The following KIAA1671 variants were observed in gnomAD, a reference collection of about 807,000 sequenced individuals.
The protein encoded by KIAA1671 is KIAA1671.
A neutral mutation model predicts 131.2 loss-of-function variants in KIAA1671; 52 were observed. That is an observed-to-expected ratio of 0.40 (90% confidence interval 0.32 to 0.50). The LOEUF is 0.50. Ranked by LOEUF, KIAA1671 falls within the 20% of genes least tolerant of loss-of-function variation. The pLI, the probability that KIAA1671 is intolerant of heterozygous loss-of-function variation, is 0.73. For synonymous variants in KIAA1671, 1,003 were observed against 961.6 expected (o/e 1.04, Z -0.80); for missense variants, 2,360 against 2,364.2 (o/e 1.00, Z 0.04).
chr22:25,055,841 C>A (rs1427547035), intron 6 of KIAA1671: 3 of 144,474 alleles, frequency 2.1e-5, no homozygotes, highest in African/African-American at 7.5e-5. Context: ...GATATAGATA[C>A]AGATACAGAT....
chr22:25,170,262 C>T (rs1446158430), intron 6 of KIAA1671, among the ~76,000 whole-genome samples: 3 of 152,106 alleles, frequency 2.0e-5, no homozygotes, highest in Admixed American at 6.6e-5. Context: ...AAATGGGGAT[C>T]GTAATAAGAT....
chr22:25,075,329 A>G (rs9612853), intron 6 of KIAA1671, among the ~76,000 whole-genome samples: 18,865 of 152,084 alleles, frequency 0.12, 1,213 homozygotes, highest in South Asian at 0.19. Context: ...CAAAGTGTCA[A>G]TTGTGACAAG....
chr22:25,028,726 G>C lies in KIAA1671; in HGVS notation c.727G>C (p.Val243Leu). The C allele has an allele frequency of 6.4e-7, 1 of 1,551,244 alleles. No homozygotes were observed. The highest frequency in any genetic ancestry group is 8.7e-7 in the Non-Finnish European group (1 of 1,147,010). Residue 243 changes from valine to leucine, a missense_variant, in exon 3 of 13, where the codon GTG becomes CTG. By Grantham distance (32) the Val-to-Leu change is conservative. Transcript: ENST00000358431. ...EPRPRLKRRP[V>L]SAIFTESIQP... is the part of the protein sequence containing the mutation. ...CAGGCCTCGCCTGAAGAGAAGGCCCGTGTCTGCCATTTTCACGGAGTCCAT... is the reference window on the plus strand; with the variant it reads ...CAGGCCTCGCCTGAAGAGAAGGCCCCTGTCTGCCATTTTCACGGAGTCCAT...
chr22:25,187,176 G>C (rs2146046143), intron 11 of KIAA1671, among the ~76,000 whole-genome samples: 1 of 152,266 alleles, frequency 6.6e-6, no homozygotes, highest in Non-Finnish European at 1.5e-5. Flanking sequence ...ACCCCTCCAG[G>C]GCCACGGGTC....
At chr22:24,982,441 G>A (rs187288009) in intron 1 of KIAA1671, among the ~76,000 whole-genome samples, 24 of 152,330 alleles carry the variant, frequency 1.6e-4, no homozygotes, top group Non-Finnish European at 2.9e-4. Flanking sequence ...CTTTTCTTCC[G>A]TGAGTCAGTG....
chr22:25,175,185 G>A (rs1430394602), intron 8 of KIAA1671: 1 of 152,190 alleles, frequency 6.6e-6, no homozygotes, highest in Non-Finnish European at 1.5e-5. Flanking sequence ...GGGTCAGGCA[G>A]GTCTTCCTTT....
At chr22:25,013,551 A>G (rs1342554714) in intron 1 of KIAA1671, 3 of 152,222 alleles carry the variant, frequency 2.0e-5, no homozygotes, top group Non-Finnish European at 4.4e-5. Flanking sequence ...TTATTTCTTT[A>G]TATTTCCTGC....
chr22:25,116,757 C>G (rs1426733501), intron 6 of KIAA1671, among the ~76,000 whole-genome samples: 2 of 152,174 alleles, frequency 1.3e-5, no homozygotes, highest in Non-Finnish European at 1.5e-5. Context: ...TACCACAACT[C>G]TGGTGCAGGA....
rs71191010 is a variant in KIAA1671 at position 24,979,170 on chromosome 22, A to ATTTTTTT, written c.-208+26416_-208+26422dup. 3.8e-4 allele frequency among the ~76,000 whole-genome samples: 31 copies of ATTTTTTT among 81,684 alleles called. 1 individual carries two copies. Among genetic ancestry groups the ATTTTTTT allele is most frequent in the South Asian group, 1.4e-3 (3 of 2,108 alleles). 53.6% of individuals were successfully genotyped at this position (81,684 alleles called of 152,430 possible). A position where few individuals can be genotyped will look rare whatever the true frequency, so the allele number is the denominator to read the frequency against. On this transcript the variant is annotated intron_variant, in intron 1 of 12. Transcript: ENST00000358431. ...ATCACCATGCCTGGCTAATTTTTGT[A>ATTTTTTT]TTTTTTTTTTTTTTTTTTTTTTTTA...
At chr22:25,042,956 C>A (rs1927030471) in intron 5 of KIAA1671, among the ~76,000 whole-genome samples, 1 of 152,124 alleles carries the variant, frequency 6.6e-6, no homozygotes, top group South Asian at 2.1e-4. Flanking sequence ...TATGTATTTT[C>A]CAATCCCTCT....
chr22:25,013,792 A>C (rs761945303), intron 1 of KIAA1671: 3 of 152,238 alleles, frequency 2.0e-5, no homozygotes, highest in Admixed American at 6.5e-5. Context: ...GTCTCTGTCA[A>C]CTGTTCCAGT....
intron 6 of KIAA1671, among the ~76,000 whole-genome samples, chr22:25,093,816 C>G (rs185643268): frequency 1.9e-4 from 18 of 93,116 alleles, no homozygotes; most frequent in East Asian, 3.0e-4. Context: ...CTCTCTGTCT[C>G]TCTCTCTTTC....
chr22:25,142,261 T>C (rs1932817775), intron 6 of KIAA1671, among the ~76,000 whole-genome samples: 1 of 152,184 alleles, frequency 6.6e-6, no homozygotes, highest in Non-Finnish European at 1.5e-5. Flanking sequence ...TTCGTGGGAA[T>C]GTTCTGCCCA....
intron 6 of KIAA1671, among the ~76,000 whole-genome samples, chr22:25,146,475 A>G (rs1932881308): frequency 6.6e-6 from 1 of 152,212 alleles, no homozygotes; most frequent in African/African-American, 2.4e-5. Flanking sequence ...CATCTGAACA[A>G]TAGCAGTTCC....
At chr22:25,164,948 GAAA>G (rs71322730) in intron 6 of KIAA1671, among the ~76,000 whole-genome samples, 1 of 89,690 alleles carries the variant, frequency 1.1e-5, no homozygotes, top group Non-Finnish European at 2.0e-5. Flanking sequence ...ACTGTCTCGG[GAAA>G]AAAAAAAAAA....
At chr22:25,058,814 C>G (rs879934854) in intron 6 of KIAA1671, 1 of 152,232 alleles carries the variant, frequency 6.6e-6, no homozygotes, top group Non-Finnish European at 1.5e-5. Context: ...ATCTGGAAGC[C>G]TCATCACTTA....
At chr22:25,074,129 T>C (rs1928971887) in intron 6 of KIAA1671, among the ~76,000 whole-genome samples, 1 of 152,140 alleles carries the variant, frequency 6.6e-6, no homozygotes, top group African/African-American at 2.4e-5. Flanking sequence ...AATAACACGA[T>C]CTTCTACTTT....
At chr22:25,095,213 T>C (rs1930337005) in intron 6 of KIAA1671, among the ~76,000 whole-genome samples, 1 of 152,220 alleles carries the variant, frequency 6.6e-6, no homozygotes, top group South Asian at 2.1e-4. Context: ...CAGTTCACTC[T>C]GTGATTCTGG....
At position 24,983,711 on chromosome 22, in the gene KIAA1671, C is replaced by T. The variant is rs554099339; in HGVS notation, c.-208+30939C>T. ...CGGCACAGAGGCCTGTGTGACTGTG[C>T]GGTGGGGGCTGAAGCTGGGGGTCTG... On this transcript the variant is annotated intron_variant, in intron 1 of 12. Transcript: ENST00000358431. Among the ~76,000 whole-genome samples the T allele has an allele frequency of 3.0e-3, 20 of 6,574 alleles. No individual in the cohort carries two copies. The South Asian group carries it at 0.041, about 14-fold the overall frequency. 4.3% of individuals were successfully genotyped at this position (6,574 alleles called of 152,430 possible).
Sources: allele counts gnomAD v4.1 joint callset (sites outside exome capture counted in the v4.1 genomes callset), GRCh38; gene constraint gnomAD v4.1.1; transcripts MANE v1.5; gene names NCBI Gene and HGNC (gene_info 2026-07-23, HGNC 2026-07-21).